KIAA1217: variants seen among roughly 807,000 people sequenced by gnomAD.
The protein encoded by KIAA1217 is KIAA1217.
In KIAA1217, 88 loss-of-function variants were observed where a neutral mutation model predicts 163.9. The ratio of observed to expected loss-of-function variants is 0.54; its 90% CI spans 0.45 to 0.64. The LOEUF (loss-of-function observed/expected upper bound fraction) is 0.64, where lower values mean the gene tolerates loss of function less well. Ranked by LOEUF, KIAA1217 falls within the 30% of genes least tolerant of loss-of-function variation. The probability of loss-of-function intolerance (pLI) is 0.00; values close to 1 mark genes in which losing one functional copy is unlikely to be tolerated. For missense variants in KIAA1217, 2,372 were observed against 2,475.0 expected (o/e 0.96, Z 0.88); for synonymous variants, 903 against 923.1 (o/e 0.98, Z 0.39).
At chr10:24,456,300 T>C (rs1564711597) in intron 5 of KIAA1217, among the ~76,000 whole-genome samples, 1 of 152,226 alleles carries the variant, frequency 6.6e-6, no homozygotes, top group Non-Finnish European at 1.5e-5. Context: ...AAAACGAATG[T>C]GTCATTCGTT....
intron 2 of KIAA1217, among the ~76,000 whole-genome samples, chr10:24,376,738 G>A (rs1332176112): frequency 2.6e-5 from 4 of 152,094 alleles, no homozygotes; most frequent in Admixed American, 2.6e-4. Flanking sequence ...CTCCAGCCTG[G>A]GCAATAGAGA....
At chr10:23,838,990 T>G (rs1838634212) in intron 1 of KIAA1217, among the ~76,000 whole-genome samples, 1 of 152,122 alleles carries the variant, frequency 6.6e-6, no homozygotes, top group Non-Finnish European at 1.5e-5. Flanking sequence ...GTTCTTTATT[T>G]CTGTGTTCAG....
intron 1 of KIAA1217, among the ~76,000 whole-genome samples, chr10:23,724,305 T>A (rs1026419906): frequency 1.3e-5 from 2 of 152,194 alleles, no homozygotes; most frequent in Non-Finnish European, 2.9e-5. Context: ...ATAATTCCTA[T>A]GTGCTTTCTC....
At chr10:24,093,543 A>G (rs2062023276) in intron 2 of KIAA1217, among the ~76,000 whole-genome samples, 1 of 151,610 alleles carries the variant, frequency 6.6e-6, no homozygotes. Flanking sequence ...GACTGCTGCC[A>G]TCCTCTCACC....
At position 24,306,934 on chromosome 10, in the gene KIAA1217, C is replaced by G. The variant is rs537065505; in HGVS notation, c.355-73935C>G. 9.3e-4 allele frequency among the ~76,000 whole-genome samples: 141 copies of G among 152,324 alleles called. 1 individual carries two copies. Among genetic ancestry groups the G allele is most frequent in the African/African-American group, 3.2e-3 (131 of 41,574 alleles). ...ATTCTACTTGTCTATTGTTCATTCA[C>G]ACGGCAAGAAATGACGGCTACCTGC... On this transcript the variant is annotated intron_variant, in intron 2 of 20. Coordinates refer to ENST00000376454, the MANE Select transcript of KIAA1217 (RefSeq NM_019590.5).
At chr10:23,932,179 G>A (rs141875490) in intron 1 of KIAA1217, among the ~76,000 whole-genome samples, 145 of 152,232 alleles carry the variant, frequency 9.5e-4, no homozygotes, top group African/African-American at 3.3e-3. Context: ...GACCTCCTGG[G>A]ACAAAGGTGA....
chr10:24,448,749 G>T (rs1044489594), intron 5 of KIAA1217, among the ~76,000 whole-genome samples: 2 of 152,210 alleles, frequency 1.3e-5, no homozygotes. Flanking sequence ...CACCGTAAGG[G>T]TGATGATTTT....
chr10:23,723,517 T>C (rs1248686339), intron 1 of KIAA1217, among the ~76,000 whole-genome samples: 2 of 152,214 alleles, frequency 1.3e-5, no homozygotes, highest in Non-Finnish European at 2.9e-5. Context: ...AGTGCATGCA[T>C]CTTGGATCAC....
At chr10:24,384,681 G>A (rs10828647) in intron 3 of KIAA1217, among the ~76,000 whole-genome samples, 78,055 of 151,578 alleles carry the variant, frequency 0.51, 22,624 homozygotes, top group African/African-American at 0.8. Flanking sequence ...GGACGCAGGT[G>A]CCTGCCACCA....
chr10:23,986,598 T>C (rs1845982532), intron 1 of KIAA1217, among the ~76,000 whole-genome samples: 1 of 152,236 alleles, frequency 6.6e-6, no homozygotes, highest in Non-Finnish European at 1.5e-5. Flanking sequence ...TTTATGAATT[T>C]TTTTGATCCA....
chr10:24,494,602 T>C lies in KIAA1217; in HGVS notation c.1782T>C (p.Ser594=). Residue 594 remains serine (S), a splice_region_variant and synonymous_variant, in exon 7 of 21, where the codon TCT becomes TCC. Transcript: ENST00000376454. ...GPITSYSKDA[S]SEKMMKTTAN... is the part of the protein sequence containing the mutation. ...TTACAAGTTATAGCAAAGATGCGTC[T>C]AGGTAAAAAAGAAGAAAGCCAATGA... 6.3e-7 allele frequency: 1 copy of C among 1,594,250 alleles called. No individual in the cohort carries two copies. The highest frequency in any genetic ancestry group is 8.6e-7 in the Non-Finnish European group (1 of 1,166,490).
intron 3 of KIAA1217, among the ~76,000 whole-genome samples, chr10:24,432,578 C>T (rs989588803): frequency 6.6e-6 from 1 of 151,988 alleles, no homozygotes; most frequent in African/African-American, 2.4e-5. Flanking sequence ...ACCACAGCCT[C>T]CTGAGTAGCT....
chr10:23,976,604 T>A (rs551132799), intron 1 of KIAA1217, among the ~76,000 whole-genome samples: 2 of 152,298 alleles, frequency 1.3e-5, no homozygotes, highest in East Asian at 3.9e-4. Context: ...CTCTGCAGTC[T>A]TCCAGGTACA....
At chr10:23,758,626 T>TTCTCTCTCTCTC (rs573288653) in intron 1 of KIAA1217, among the ~76,000 whole-genome samples, 44 of 116,952 alleles carry the variant, frequency 3.8e-4, no homozygotes, top group African/African-American at 1.6e-3. Flanking sequence ...CTTTCTTACT[T>TTCTCTCTCTCTC]TCTCTCTCTC....
chr10:24,351,913 A>C (rs988525573), intron 2 of KIAA1217, among the ~76,000 whole-genome samples: 1 of 152,140 alleles, frequency 6.6e-6, no homozygotes, highest in Non-Finnish European at 1.5e-5. Context: ...TCCACAAGCC[A>C]CCACCCTGCT....
chr10:23,927,532 G>T (rs1246973241), intron 1 of KIAA1217, among the ~76,000 whole-genome samples: 1 of 152,146 alleles, frequency 6.6e-6, no homozygotes, highest in Non-Finnish European at 1.5e-5. Context: ...GTGAGAGAAG[G>T]ATGACATGCT....
intron 1 of KIAA1217, among the ~76,000 whole-genome samples, chr10:23,786,074 C>A (rs902524707): frequency 6.6e-6 from 1 of 152,040 alleles, no homozygotes; most frequent in African/African-American, 2.4e-5. Flanking sequence ...AATTACAAGG[C>A]AAGTAGTGAG....
At chr10:23,822,636 G>T (rs1837675062) in intron 1 of KIAA1217, among the ~76,000 whole-genome samples, 1 of 152,218 alleles carries the variant, frequency 6.6e-6, no homozygotes, top group Admixed American at 6.5e-5. Context: ...CCATTTGTCA[G>T]ATTGGGGTAA....
intron 10 of KIAA1217, 85 bp from the exon 11 acceptor site, chr10:24,520,038 G>C (rs2070847595): frequency 6.7e-7 from 1 of 1,483,768 alleles, no homozygotes; most frequent in East Asian, 2.3e-5. Flanking sequence ...CACAAAATCA[G>C]AGGCTGAGAC....
Sources: allele counts gnomAD v4.1 joint callset (sites outside exome capture counted in the v4.1 genomes callset), GRCh38; gene constraint gnomAD v4.1.1; transcripts MANE v1.5; gene names NCBI Gene and HGNC (gene_info 2026-07-23, HGNC 2026-07-21).